The following ADGRL3 variants were observed in gnomAD, a reference collection of about 807,000 sequenced individuals.
The protein encoded by ADGRL3 is calcium-independent alpha-latrotoxin receptor 3.
A neutral mutation model predicts 153.5 loss-of-function variants in ADGRL3; 62 were observed. That is an observed-to-expected ratio of 0.40 (90% CI 0.33 to 0.50). The LOEUF is 0.50. Ranked by LOEUF, ADGRL3 falls within the 20% of genes least tolerant of loss-of-function variation. ADGRL3 has a pLI of 0.47. For synonymous variants in ADGRL3, 710 were observed against 672.5 expected, an observed-to-expected ratio of 1.06 and a Z score of -0.86; for missense variants, 1,641 against 1,859.4, an observed-to-expected ratio of 0.88 and a Z score of 2.16.
chr4:61,684,687 CCTTGCATTCCTTT>C (rs1300653948), intron 6 of ADGRL3, among the ~76,000 whole-genome samples: 1 of 152,038 alleles, frequency 6.6e-6, no homozygotes, highest in African/African-American at 2.4e-5. Context: ...GCAACACAGA[CCTTGCATTCCTTT>C]GGGCAACAAC....
At chr4:61,934,285 G>A (rs531155946) in intron 13 of ADGRL3, among the ~76,000 whole-genome samples, 1 of 152,278 alleles carries the variant, frequency 6.6e-6, no homozygotes, top group South Asian at 2.1e-4. Context: ...GCCCCTGGGA[G>A]TATGTATGCT....
chr4:61,767,386 C>T (rs1414359079), intron 8 of ADGRL3, among the ~76,000 whole-genome samples: 3 of 151,836 alleles, frequency 2.0e-5, no homozygotes, highest in Non-Finnish European at 2.9e-5. Flanking sequence ...CCATCAATAC[C>T]CACAACAGTT....
intron 5 of ADGRL3, among the ~76,000 whole-genome samples, chr4:61,647,368 T>A (rs1322288616): frequency 6.6e-6 from 1 of 152,064 alleles, no homozygotes. Context: ...GACGAAAAAA[T>A]TAAAATTAAT....
At chr4:61,951,706 A>G (rs1295314911) in intron 17 of ADGRL3, among the ~76,000 whole-genome samples, 1 of 151,950 alleles carries the variant, frequency 6.6e-6, no homozygotes, top group African/African-American at 2.4e-5. Context: ...TCTCCACTAA[A>G]ATACAAAAAT....
intron 8 of ADGRL3, among the ~76,000 whole-genome samples, chr4:61,753,224 C>CTA: frequency 7.8e-6 from 1 of 128,142 alleles, no homozygotes; most frequent in Non-Finnish European, 1.6e-5. Context: ...AGGCACATTT[C>CTA]TGTGAAAAAA....
At chr4:61,717,217 TGTGC>T (rs10547193) in intron 6 of ADGRL3, among the ~76,000 whole-genome samples, 6,354 of 50,528 alleles carry the variant, frequency 0.13, 350 homozygotes, top group East Asian at 0.35. Context: ...TGTGTGTGTG[TGTGC>T]GTGTGTGTGT....
intron 4 of ADGRL3, among the ~76,000 whole-genome samples, chr4:61,569,350 G>A (rs567490048): frequency 6.6e-6 from 1 of 152,160 alleles, no homozygotes; most frequent in East Asian, 1.9e-4. Context: ...ACAGTTGTAT[G>A]ACCATCTTCA....
At chr4:61,432,630 C>T (rs867474363) in intron 2 of ADGRL3, among the ~76,000 whole-genome samples, 65 of 50,426 alleles carry the variant, frequency 1.3e-3, no homozygotes, top group African/African-American at 3.2e-3. Context: ...TTCTTTCTTT[C>T]TTTCTTTCTT....
chr4:61,540,783 A>G (rs539944513), intron 4 of ADGRL3, among the ~76,000 whole-genome samples: 1 of 152,016 alleles, frequency 6.6e-6, no homozygotes, highest in South Asian at 2.1e-4. Flanking sequence ...ATATTGAAAG[A>G]ACACACAAAA....
chr4:61,828,572 C>CA (rs1385492603), intron 9 of ADGRL3, among the ~76,000 whole-genome samples: 1 of 151,918 alleles, frequency 6.6e-6, no homozygotes, highest in African/African-American at 2.4e-5. Flanking sequence ...ACCCTCCTCG[C>CA]AAAAATCTGC....
chr4:61,488,823 C>T (rs2098225731), intron 2 of ADGRL3, among the ~76,000 whole-genome samples: 1 of 151,984 alleles, frequency 6.6e-6, no homozygotes, highest in Admixed American at 6.6e-5. Context: ...TTGTTACTGA[C>T]ACAGATTGCT....
At chr4:61,566,378 G>A (rs12715704) in intron 4 of ADGRL3, among the ~76,000 whole-genome samples, 94,037 of 152,028 alleles carry the variant, frequency 0.62, 30,783 homozygotes, top group African/African-American at 0.83. Context: ...TAAAGACCCT[G>A]TCTTCCAATA....
chr4:61,447,083 G>T (rs1424958298), intron 2 of ADGRL3, among the ~76,000 whole-genome samples: 1 of 152,144 alleles, frequency 6.6e-6, no homozygotes, highest in Non-Finnish European at 1.5e-5. Flanking sequence ...TGGATGACTG[G>T]ATGCTGGATG....
chr4:61,951,900 G>A (rs2098948608), intron 17 of ADGRL3, among the ~76,000 whole-genome samples: 1 of 152,128 alleles, frequency 6.6e-6, no homozygotes, highest in Non-Finnish European at 1.5e-5. Context: ...TAGACTGGTT[G>A]TAGTGTGACA....
In ADGRL3 at chr4:61,955,320, T is replaced by C. The variant is rs538942324; in HGVS notation, c.2805+7044T>C. On this transcript the variant is annotated intron_variant, in intron 17 of 26. Coordinates refer to ENST00000683033, the MANE Select transcript of ADGRL3 (RefSeq NM_001387552.1). ...ACTTACTGATTACTTGTACCTCAGA[T>C]ATGTTCTTCAAACTTTAGAACATAA... Among the ~76,000 whole-genome samples the C allele has an allele frequency of 1.4e-4, 22 of 152,300 alleles. No homozygotes were observed. The East Asian group carries it at 2.5e-3, about 17-fold the overall frequency.
At chr4:61,548,834 A>G (rs1044278091) in intron 4 of ADGRL3, among the ~76,000 whole-genome samples, 2 of 151,926 alleles carry the variant, frequency 1.3e-5, no homozygotes, top group African/African-American at 4.8e-5. Flanking sequence ...GTGAATTTTC[A>G]GAACTATGGT....
chr4:61,404,775 A>T (rs2152178816), intron 2 of ADGRL3, among the ~76,000 whole-genome samples: 1 of 152,214 alleles, frequency 6.6e-6, no homozygotes, highest in Admixed American at 6.6e-5. Flanking sequence ...AGGCAAATCC[A>T]TTCATGTTTT....
At chr4:62,019,521 T>C (rs2099228242) in intron 21 of ADGRL3, among the ~76,000 whole-genome samples, 1 of 152,114 alleles carries the variant, frequency 6.6e-6, no homozygotes, top group Non-Finnish European at 1.5e-5. Context: ...AATTATTATT[T>C]TGTTTAAATG....
At chr4:61,232,177 A>C (rs1750927429) in intron 1 of ADGRL3, among the ~76,000 whole-genome samples, 1 of 152,140 alleles carries the variant, frequency 6.6e-6, no homozygotes, top group African/African-American at 2.4e-5. Context: ...TAAATGATCA[A>C]ATTTTTAAGC....
Sources: gnomAD v4.1 joint callset for allele counts (sites outside exome capture counted in the v4.1 genomes callset) on GRCh38, gnomAD v4.1.1 for gene constraint, MANE v1.5 for transcripts, NCBI Gene and HGNC (gene_info 2026-07-23, HGNC 2026-07-21) for gene names.